HHAT: variants seen among roughly 807,000 people sequenced by gnomAD.
HHAT encodes protein-cysteine N-palmitoyltransferase HHAT.
Under a neutral mutation model 70.8 loss-of-function variants are expected in HHAT, and 47 were observed. The observed-to-expected ratio is 0.66, with a 90% CI of 0.53 to 0.85. The LOEUF (loss-of-function observed/expected upper bound fraction) is 0.85, where lower values mean the gene tolerates loss of function less well. Ranked by LOEUF, HHAT falls within the 40% of genes least tolerant of loss-of-function variation. HHAT has a pLI of 0.00. For missense variants in HHAT, 609 were observed against 604.8 expected, an observed-to-expected ratio of 1.01 and a Z score of -0.07; for synonymous variants, 228 against 247.6, an observed-to-expected ratio of 0.92 and a Z score of 0.74.
At chr1:210,667,336 C>T (rs1379414783) in intron 11 of HHAT, among the ~76,000 whole-genome samples, 1 of 150,356 alleles carries the variant, frequency 6.7e-6, no homozygotes, top group Non-Finnish European at 1.5e-5. Flanking sequence ...GAGCCAAGAT[C>T]GTGCCATTGC....
chr1:210,400,374 C>A, intron 4 of HHAT, 94 bp from the exon 5 acceptor site: 2 of 1,131,240 alleles, frequency 1.8e-6, no homozygotes, highest in Non-Finnish European at 2.5e-6. Flanking sequence ...ACATGTAGAA[C>A]CTTCAATATC....
At chr1:210,623,985 C>T (rs1484907561) in intron 11 of HHAT, among the ~76,000 whole-genome samples, 1 of 152,142 alleles carries the variant, frequency 6.6e-6, no homozygotes, top group African/African-American at 2.4e-5. Context: ...CTTAATCTTT[C>T]CTACTGCTGT....
intron 10 of HHAT, among the ~76,000 whole-genome samples, chr1:210,603,641 G>A (rs948943588): frequency 2.6e-5 from 4 of 152,130 alleles, no homozygotes; most frequent in Non-Finnish European, 4.4e-5. Flanking sequence ...TTTTTACAAT[G>A]TGTATTTATA....
chr1:210,406,969 A>C (rs758943961), intron 6 of HHAT, among the ~76,000 whole-genome samples: 2 of 152,160 alleles, frequency 1.3e-5, no homozygotes, highest in African/African-American at 2.4e-5. Flanking sequence ...AGGGAACTTG[A>C]AAGGGCAAAT....
chr1:210,623,419 C>T, intron 10 of HHAT, 107 bp from the exon 11 acceptor site: 1 of 1,242,850 alleles, frequency 8.0e-7, no homozygotes, highest in Non-Finnish European at 1.2e-6. Context: ...CTGGTTTGGG[C>T]TCTGTGGGGA....
chr1:210,376,117 G>A (rs553396536), intron 3 of HHAT, among the ~76,000 whole-genome samples: 45 of 148,270 alleles, frequency 3.0e-4, no homozygotes, highest in Admixed American at 9.1e-4. Context: ...CACCTGCCTC[G>A]GCCTCCCAAA....
chr1:210,422,562 T>G (rs1044027814), intron 7 of HHAT, among the ~76,000 whole-genome samples: 2 of 152,260 alleles, frequency 1.3e-5, no homozygotes, highest in African/African-American at 4.8e-5. Flanking sequence ...GTTCCATCTT[T>G]GTTGCCTCAA....
intron 3 of HHAT, among the ~76,000 whole-genome samples, chr1:210,371,708 G>A (rs1289877418): frequency 1.3e-5 from 2 of 152,100 alleles, no homozygotes; most frequent in Non-Finnish European, 2.9e-5. Flanking sequence ...GAGGGGCTGC[G>A]GCTTAATGAA....
At chr1:210,386,222 C>CTTTTTTCTTTTTTTTTTTT (rs1558409107) in intron 3 of HHAT, among the ~76,000 whole-genome samples, 8 of 69,886 alleles carry the variant, frequency 1.1e-4, no homozygotes, top group African/African-American at 3.7e-4. Flanking sequence ...GAGTCCTTTT[C>CTTTTTTCTTTTTTTTTTTT]TTTTTTTCTT....
chr1:210,576,949 T>G (rs889561703), intron 9 of HHAT, among the ~76,000 whole-genome samples: 22 of 152,320 alleles, frequency 1.4e-4, no homozygotes, highest in Middle Eastern at 3.4e-3. Context: ...TATTCTTTTT[T>G]GTTGTTCTTT....
chr1:210,588,771 T>A (rs1472306706), intron 10 of HHAT: 1 of 152,286 alleles, frequency 6.6e-6, no homozygotes, highest in Non-Finnish European at 1.5e-5. Flanking sequence ...CTAATTTGTA[T>A]TTCTACCAAT....
intron 8 of HHAT, among the ~76,000 whole-genome samples, chr1:210,467,797 A>G (rs1344398208): frequency 6.6e-6 from 1 of 152,192 alleles, no homozygotes; most frequent in East Asian, 1.9e-4. Flanking sequence ...GCCACCCCCC[A>G]TTTTAATGGA....
intron 9 of HHAT, among the ~76,000 whole-genome samples, chr1:210,517,704 C>T (rs2148596188): frequency 6.6e-6 from 1 of 151,936 alleles, no homozygotes; most frequent in African/African-American, 2.4e-5. Flanking sequence ...TTTCTCACCA[C>T]AAAAAAGATA....
intron 7 of HHAT, among the ~76,000 whole-genome samples, chr1:210,436,872 C>T (rs1219149125): frequency 6.6e-6 from 1 of 151,164 alleles, no homozygotes; most frequent in Admixed American, 6.6e-5. Flanking sequence ...CATGAGGAAC[C>T]CCAAATGGCT....
At chr1:210,512,620 G>A (rs2094976045) in intron 8 of HHAT, among the ~76,000 whole-genome samples, 1 of 146,616 alleles carries the variant, frequency 6.8e-6, no homozygotes, top group Non-Finnish European at 1.5e-5. Context: ...TGCAGTAAAT[G>A]TGATCGCACC....
intron 3 of HHAT, among the ~76,000 whole-genome samples, chr1:210,365,453 A>AT (rs2088848152): frequency 6.6e-6 from 1 of 150,402 alleles, no homozygotes. Context: ...AGTAGCTAGG[A>AT]TTACAGGCAC....
intron 7 of HHAT, among the ~76,000 whole-genome samples, chr1:210,463,455 G>A (rs1326646055): frequency 6.6e-6 from 1 of 152,028 alleles, no homozygotes; most frequent in African/African-American, 2.4e-5. Context: ...CATGTTTTCA[G>A]GGTTCATCCA....
At chr1:210,637,238 C>T (rs111930679) in intron 11 of HHAT, among the ~76,000 whole-genome samples, 1,790 of 152,136 alleles carry the variant, frequency 0.012, 14 homozygotes, top group Non-Finnish European at 0.019. Context: ...GAAGTTGGAT[C>T]CATATCTCAC....
At chr1:210,623,044 A>C (rs974841115) in intron 10 of HHAT, among the ~76,000 whole-genome samples, 2 of 152,092 alleles carry the variant, frequency 1.3e-5, no homozygotes, top group African/African-American at 4.8e-5. Flanking sequence ...TTCTTTCCTT[A>C]GGGTAGAATG....
Sources: allele counts gnomAD v4.1 joint callset (sites outside exome capture counted in the v4.1 genomes callset), GRCh38; gene constraint gnomAD v4.1.1; transcripts MANE v1.5; gene names NCBI Gene and HGNC (gene_info 2026-07-23, HGNC 2026-07-21).